The following CHST11 variants were observed in gnomAD, a reference collection of about 807,000 sequenced individuals.
CHST11 encodes the protein carbohydrate sulfotransferase 11, also known as C4S-1.
A neutral mutation model predicts 30.4 loss-of-function variants in CHST11; 9 were observed. The ratio of observed to expected loss-of-function variants is 0.30; its 90% confidence interval spans 0.18 to 0.52. CHST11 has a LOEUF of 0.52. Among genes scored for constraint, CHST11 ranks in the 20% least tolerant of loss-of-function variants. The probability of loss-of-function intolerance (pLI) is 0.97; values close to 1 mark genes in which losing one functional copy is unlikely to be tolerated. For missense variants in CHST11, 348 were observed against 460.6 expected, an observed-to-expected ratio of 0.76 and a Z score of 2.24; for synonymous variants, 152 against 187.8, an observed-to-expected ratio of 0.81 and a Z score of 1.56.
In CHST11 at chr12:104,734,883, A is replaced by C. The variant is rs111889111; in HGVS notation, c.205-22066A>C. 2.4e-4 allele frequency among the ~76,000 whole-genome samples: 37 copies of C among 152,366 alleles called. 1 individual carries two copies. Among genetic ancestry groups the C allele is most frequent in the African/African-American group, 6.0e-4 (25 of 41,600 alleles). On this transcript the variant is annotated intron_variant, in intron 2 of 2. Coordinates refer to ENST00000303694, the MANE Select transcript of CHST11 (RefSeq NM_018413.6). ...TTAGACAAGGGTGGGGCCTGCGTTT[A>C]TCTGATAAATAACACAGTGATTCTG...
chr12:104,565,322 A>G (rs1427673386), intron 1 of CHST11, among the ~76,000 whole-genome samples: 1 of 131,966 alleles, frequency 7.6e-6, no homozygotes, highest in East Asian at 2.3e-4. Context: ...GCTGGAGTGC[A>G]GTGGCATGAT....
intron 1 of CHST11, among the ~76,000 whole-genome samples, chr12:104,572,893 G>T (rs1024932375): frequency 4.6e-5 from 7 of 151,498 alleles, no homozygotes; most frequent in Non-Finnish European, 7.4e-5. Flanking sequence ...GAAATAAAGG[G>T]TATTCAATTA....
chr12:104,583,077 G>A (rs775319679), intron 1 of CHST11, among the ~76,000 whole-genome samples: 8 of 151,986 alleles, frequency 5.3e-5, no homozygotes, highest in Non-Finnish European at 1.2e-4. Flanking sequence ...ATATCTAAGT[G>A]CGGCCACATA....
chr12:104,699,155 G>T (rs527264539), intron 2 of CHST11, among the ~76,000 whole-genome samples: 23 of 152,250 alleles, frequency 1.5e-4, no homozygotes, highest in African/African-American at 5.3e-4. Context: ...TTTGGGTGGG[G>T]CCTGGAAAGC....
At chr12:104,495,135 T>A (rs910688349) in intron 1 of CHST11, among the ~76,000 whole-genome samples, 3 of 152,220 alleles carry the variant, frequency 2.0e-5, no homozygotes, top group Non-Finnish European at 4.4e-5. Context: ...TCGTCCATGT[T>A]GTAGCATGTG....
chr12:104,519,523 A>G (rs1241519072), intron 1 of CHST11, among the ~76,000 whole-genome samples: 1 of 152,134 alleles, frequency 6.6e-6, no homozygotes, highest in Admixed American at 6.5e-5. Context: ...GGTTGGGTAG[A>G]ACCCCCTAAC....
chr12:104,716,207 T>C (rs1170342214), intron 2 of CHST11, among the ~76,000 whole-genome samples: 1 of 152,164 alleles, frequency 6.6e-6, no homozygotes, highest in East Asian at 1.9e-4. Context: ...CTCCCTTCCT[T>C]TAGGGTAGAG....
chr12:104,566,056 C>T (rs1199979571), intron 1 of CHST11, among the ~76,000 whole-genome samples: 1 of 152,198 alleles, frequency 6.6e-6, no homozygotes, highest in Non-Finnish European at 1.5e-5. Context: ...TCTCTGGACA[C>T]ACTCAGCCTT....
Position 104,607,964 on chromosome 12 carries a change from A to G in CHST11, c.204+5973A>G, listed in dbSNP as rs78566507. 4.3e-3 allele frequency among the ~76,000 whole-genome samples: 662 copies of G among 152,230 alleles called. 28 individuals are homozygous for G. In the East Asian group the frequency reaches 0.084, roughly 19 times the overall value. On this transcript the variant is annotated intron_variant, in intron 2 of 2. Transcript: ENST00000303694. The stretch of plus-strand genomic sequence containing the variant: ...CTCAGCATTGTCATCTATAAAATGA[A>G]GGGGTTAGACTGGATCAGTGTTTAT...
chr12:104,521,782 T>A (rs1041267731), intron 1 of CHST11, among the ~76,000 whole-genome samples: 2 of 152,244 alleles, frequency 1.3e-5, no homozygotes, highest in African/African-American at 2.4e-5. Flanking sequence ...TCTACTCCAC[T>A]GTTTGATTGA....
intron 2 of CHST11, among the ~76,000 whole-genome samples, chr12:104,667,146 C>T (rs758238510): frequency 1.3e-5 from 2 of 152,070 alleles, no homozygotes; most frequent in Non-Finnish European, 2.9e-5. Context: ...TATTCAGTTC[C>T]GTGAATTTGG....
chr12:104,611,734 A>G (rs1405515491), intron 2 of CHST11, among the ~76,000 whole-genome samples: 1 of 152,216 alleles, frequency 6.6e-6, no homozygotes. Flanking sequence ...TCTCCGATTC[A>G]TGCTGATGCC....
chr12:104,611,143 A>G (rs908416390), intron 2 of CHST11, among the ~76,000 whole-genome samples: 1 of 152,248 alleles, frequency 6.6e-6, no homozygotes, highest in African/African-American at 2.4e-5. Flanking sequence ...TTGAAAAGGA[A>G]AAAGAAGACA....
At chr12:104,698,598 G>A (rs1010131173) in intron 2 of CHST11, among the ~76,000 whole-genome samples, 1 of 152,206 alleles carries the variant, frequency 6.6e-6, no homozygotes, top group African/African-American at 2.4e-5. Flanking sequence ...TTCAATTAAA[G>A]CATATTGGTG....
intron 1 of CHST11, among the ~76,000 whole-genome samples, chr12:104,568,224 G>A (rs575230666): frequency 1.3e-5 from 2 of 152,130 alleles, no homozygotes; most frequent in Non-Finnish European, 2.9e-5. Flanking sequence ...GCTTTGCCTG[G>A]CGAGAGGAGT....
intron 1 of CHST11, among the ~76,000 whole-genome samples, chr12:104,524,478 C>T (rs2038104819): frequency 1.3e-5 from 2 of 152,148 alleles, no homozygotes; most frequent in Admixed American, 1.3e-4. Flanking sequence ...GGAATGAGTT[C>T]TTGACAGAGA....
chr12:104,725,412 T>C (rs1389649358), intron 2 of CHST11, among the ~76,000 whole-genome samples: 1 of 152,188 alleles, frequency 6.6e-6, no homozygotes, highest in Admixed American at 6.5e-5. Context: ...GTGAGTCAGT[T>C]CACCTCTCTG....
chr12:104,510,954 TG>T (rs1328994376), intron 1 of CHST11, among the ~76,000 whole-genome samples: 1 of 152,138 alleles, frequency 6.6e-6, no homozygotes, highest in East Asian at 1.9e-4. Flanking sequence ...ATGAGTAGGT[TG>T]GAGGGGAACT....
chr12:104,717,500 G>A (rs1259834467), intron 2 of CHST11, among the ~76,000 whole-genome samples: 16 of 152,112 alleles, frequency 1.1e-4, no homozygotes, highest in Non-Finnish European at 7.4e-5. Flanking sequence ...TAGGCTGGGC[G>A]CTGTGGCTCA....
Sources: gnomAD v4.1 joint callset for allele counts (sites outside exome capture counted in the v4.1 genomes callset) on GRCh38, gnomAD v4.1.1 for gene constraint, MANE v1.5 for transcripts, NCBI Gene and HGNC (gene_info 2026-07-23, HGNC 2026-07-21) for gene names.